RBFOX1: variants seen among roughly 807,000 people sequenced by gnomAD.
The protein encoded by RBFOX1 is RNA binding fox-1 homolog 1.
In RBFOX1, 8 loss-of-function variants were observed where a neutral mutation model predicts 57.7. The observed-to-expected ratio is 0.14, with a 90% CI of 0.08 to 0.25. RBFOX1 has a LOEUF of 0.25. RBFOX1 is among the 10% of genes least tolerant of loss of function. The pLI is 1.00. For synonymous variants in RBFOX1, 326 were observed against 222.4 expected, an observed-to-expected ratio of 1.47 and a Z score of -4.15; for missense variants, 611 against 548.5, an observed-to-expected ratio of 1.11 and a Z score of -1.14.
At chr16:6,514,007 G>A (rs556400488) in intron 2 of RBFOX1, among the ~76,000 whole-genome samples, 1 of 152,152 alleles carries the variant, frequency 6.6e-6, no homozygotes, top group Non-Finnish European at 1.5e-5. Context: ...TGCAAATGGC[G>A]CATGTCCACC....
chr16:5,557,355 A>C (rs2045719246), intron 2 of RBFOX1, among the ~76,000 whole-genome samples: 1 of 152,146 alleles, frequency 6.6e-6, no homozygotes, highest in African/African-American at 2.4e-5. Context: ...GCACTGTGCA[A>C]GGCAGACATT....
At chr16:7,181,303 G>A (rs191466782) in intron 4 of RBFOX1, among the ~76,000 whole-genome samples, 62 of 152,270 alleles carry the variant, frequency 4.1e-4, no homozygotes, top group African/African-American at 1.4e-3. Context: ...ACTGGATTCA[G>A]TAAAAGAAAT....
intron 3 of RBFOX1, among the ~76,000 whole-genome samples, chr16:5,761,602 A>C (rs777392630): frequency 9.2e-5 from 14 of 152,064 alleles, no homozygotes; most frequent in South Asian, 2.1e-4. Flanking sequence ...AAACCATCAG[A>C]TCTCGTGAGA....
At chr16:6,675,205 A>G (rs954833636) in intron 3 of RBFOX1, among the ~76,000 whole-genome samples, 1 of 152,064 alleles carries the variant, frequency 6.6e-6, no homozygotes, top group Admixed American at 6.6e-5. Context: ...CGCCCGGCCC[A>G]TTTCTGTTGT....
At chr16:7,284,023 A>G (rs1429657010) in intron 4 of RBFOX1, among the ~76,000 whole-genome samples, 2 of 152,172 alleles carry the variant, frequency 1.3e-5, no homozygotes, top group African/African-American at 4.8e-5. Flanking sequence ...ATGTCCTACA[A>G]ATGGAATCAG....
chr16:6,820,780 C>T (rs1342993580), intron 3 of RBFOX1, among the ~76,000 whole-genome samples: 1 of 152,310 alleles, frequency 6.6e-6, no homozygotes, highest in East Asian at 1.9e-4. Context: ...AGACTTATTA[C>T]TGCAAAAGGC....
At chr16:6,433,179 T>C (rs2153009458) in intron 2 of RBFOX1, among the ~76,000 whole-genome samples, 1 of 152,192 alleles carries the variant, frequency 6.6e-6, no homozygotes, top group Middle Eastern at 3.4e-3. Context: ...ATGGATACAG[T>C]GAAAAGCAGT....
chr16:6,971,624 C>T (rs2085566814), intron 3 of RBFOX1, among the ~76,000 whole-genome samples: 1 of 151,834 alleles, frequency 6.6e-6, no homozygotes. Flanking sequence ...TGATTGGGGG[C>T]GGAGAATGGA....
At chr16:6,797,606 A>G (rs538779630) in intron 3 of RBFOX1, among the ~76,000 whole-genome samples, 3 of 152,280 alleles carry the variant, frequency 2.0e-5, no homozygotes, top group African/African-American at 7.2e-5. Flanking sequence ...ATGAAACAGC[A>G]CCAGCATTAA....
intron 2 of RBFOX1, among the ~76,000 whole-genome samples, chr16:6,451,569 A>G (rs182262867): frequency 2.0e-5 from 3 of 152,094 alleles, no homozygotes; most frequent in African/African-American, 7.2e-5. Context: ...TTTTGTAGGT[A>G]TTACCACCTT....
At chr16:6,545,952 A>G (rs1476376172) in intron 2 of RBFOX1, among the ~76,000 whole-genome samples, 1 of 152,220 alleles carries the variant, frequency 6.6e-6, no homozygotes, top group Non-Finnish European at 1.5e-5. Flanking sequence ...CTGTTGTCTA[A>G]AACAGGGATT....
At chr16:6,852,114 A>T (rs1213551627) in intron 3 of RBFOX1, among the ~76,000 whole-genome samples, 1 of 151,872 alleles carries the variant, frequency 6.6e-6, no homozygotes, top group African/African-American at 2.4e-5. Flanking sequence ...GCTTAAAATG[A>T]TATAAATTTA....
chr16:7,346,857 G>T (rs9938479), intron 4 of RBFOX1, among the ~76,000 whole-genome samples: 22,081 of 152,034 alleles, frequency 0.15, 2,076 homozygotes, highest in African/African-American at 0.28. Flanking sequence ...TTTTTGTTAA[G>T]ATCCCTTTGG....
chr16:6,783,455 A>C (rs2081377095), intron 3 of RBFOX1, among the ~76,000 whole-genome samples: 1 of 150,510 alleles, frequency 6.6e-6, no homozygotes, highest in Admixed American at 6.6e-5. Context: ...AAAAAAAAAA[A>C]ATCTTATAAC....
chr16:6,741,430 A>T (rs2072075143), intron 3 of RBFOX1, among the ~76,000 whole-genome samples: 1 of 152,102 alleles, frequency 6.6e-6, no homozygotes, highest in Non-Finnish European at 1.5e-5. Flanking sequence ...TGGGAGGCTG[A>T]TAGCAGGTGG....
chr16:7,044,527 T>A (rs183991401), intron 3 of RBFOX1, among the ~76,000 whole-genome samples: 5 of 152,302 alleles, frequency 3.3e-5, no homozygotes, highest in African/African-American at 1.2e-4. Context: ...AAGGGTCTCA[T>A]GCTGAAGTTT....
At chr16:6,441,776 G>GT (rs1290099641) in intron 2 of RBFOX1, among the ~76,000 whole-genome samples, 1 of 152,104 alleles carries the variant, frequency 6.6e-6, no homozygotes, top group Non-Finnish European at 1.5e-5. Context: ...TATAGCCCAT[G>GT]TTTTACGTCT....
intron 3 of RBFOX1, among the ~76,000 whole-genome samples, chr16:6,696,004 C>A (rs962913529): frequency 1.3e-5 from 2 of 152,178 alleles, no homozygotes; most frequent in African/African-American, 2.4e-5. Flanking sequence ...GATCTGATTT[C>A]TACAGCGTAT....
chr16:7,116,780 G>T (rs13339197), intron 4 of RBFOX1, among the ~76,000 whole-genome samples: 6 of 152,124 alleles, frequency 3.9e-5, no homozygotes, highest in Non-Finnish European at 5.9e-5. Flanking sequence ...CCACCTCCTT[G>T]ATGCCAGGCA....
Sources: allele counts gnomAD v4.1 joint callset (sites outside exome capture counted in the v4.1 genomes callset), GRCh38; gene constraint gnomAD v4.1.1; transcripts MANE v1.5; gene names NCBI Gene and HGNC (gene_info 2026-07-23, HGNC 2026-07-21).